PTPN20: variants seen among roughly 807,000 people sequenced by gnomAD.
The protein encoded by PTPN20 is protein tyrosine phosphatase non-receptor type 20.
PTPN20 carries 9 observed loss-of-function variants against 35.0 expected under a neutral mutation model. The observed-to-expected ratio is 0.26, with a 90% CI of 0.15 to 0.45. The LOEUF (loss-of-function observed/expected upper bound fraction) is 0.45, where lower values mean the gene tolerates loss of function less well. PTPN20 is among the 20% of genes least tolerant of loss of function. PTPN20 has a pLI of 1.00. For synonymous variants in PTPN20, 32 were observed against 100.2 expected (o/e 0.32, Z 4.06); for missense variants, 111 against 312.5 (o/e 0.36, Z 4.86).
intron 5 of PTPN20, among the ~76,000 whole-genome samples, chr10:46,953,865 T>C (rs1390221221): frequency 7.0e-6 from 1 of 142,832 alleles, no homozygotes; most frequent in Non-Finnish European, 1.5e-5. Context: ...TATTCATCTG[T>C]AATTTTCTTT....
chr10:46,988,800 T>G (rs1270694815), intron 9 of PTPN20, among the ~76,000 whole-genome samples: 2 of 152,276 alleles, frequency 1.3e-5, no homozygotes, highest in Non-Finnish European at 2.9e-5. Flanking sequence ...TTTTATAGTT[T>G]TCCTCATAGA....
intron 5 of PTPN20, among the ~76,000 whole-genome samples, chr10:46,947,212 GTATATATATA>G (rs1163672605): frequency 1.5e-5 from 2 of 129,850 alleles, no homozygotes; most frequent in Admixed American, 1.6e-4. Flanking sequence ...ATGTGTATGT[GTATATATATA>G]TATATATATA....
At chr10:46,998,733 A>G (rs920127614) in intron 9 of PTPN20, among the ~76,000 whole-genome samples, 3 of 152,212 alleles carry the variant, frequency 2.0e-5, no homozygotes, top group Admixed American at 1.3e-4. Context: ...TTTTGATATT[A>G]TATCTTGTTA....
intron 9 of PTPN20, among the ~76,000 whole-genome samples, chr10:46,992,184 G>A (rs890070313): frequency 2.7e-5 from 4 of 149,122 alleles, no homozygotes; most frequent in Admixed American, 1.3e-4. Flanking sequence ...GTGCAGTGGC[G>A]TGATCTCAGC....
At chr10:46,931,596 C>T (rs1466336620) in intron 1 of PTPN20, among the ~76,000 whole-genome samples, 1 of 143,448 alleles carries the variant, frequency 7.0e-6, no homozygotes, top group Non-Finnish European at 1.5e-5. Context: ...CCAATTGCCC[C>T]AGCTGGTCTC....
Position 46,940,576 on chromosome 10 carries a change from G to A in PTPN20, c.35-47G>A. 4 of 1,531,256 alleles carry A rather than the reference G, an allele frequency of 2.6e-6. No homozygotes were observed. In the South Asian group the frequency reaches 3.4e-5, roughly 13 times the overall value. 94.9% of individuals were successfully genotyped at this position (1,531,256 alleles called of 1,614,324 possible). A position where few individuals can be genotyped will look rare whatever the true frequency, so the allele number is the denominator to read the frequency against. ...TCATTAAGGCTCCATTTTTCCTTCT[G>A]TATAGTGTTTTCTATTTGATCAGTT... On this transcript the variant is annotated intron_variant, in intron 2 of 10. Coordinates refer to ENST00000374339, the MANE Select transcript of PTPN20 (RefSeq NM_001042357.5).
At chr10:46,974,020 TG>T (rs2052766319) in intron 7 of PTPN20, among the ~76,000 whole-genome samples, 1 of 145,318 alleles carries the variant, frequency 6.9e-6, no homozygotes, top group Non-Finnish European at 1.5e-5. Context: ...AAGATTGCCT[TG>T]GTAGGGGCTC....
intron 1 of PTPN20, among the ~76,000 whole-genome samples, chr10:46,925,807 C>A (rs1258319405): frequency 6.6e-6 from 1 of 151,594 alleles, no homozygotes; most frequent in Non-Finnish European, 1.5e-5. Context: ...AAATTTTGTA[C>A]CTGCAAAAGA....
intron 1 of PTPN20, among the ~76,000 whole-genome samples, chr10:46,928,318 G>A (rs1202039778): frequency 6.6e-6 from 1 of 151,884 alleles, no homozygotes; most frequent in African/African-American, 2.4e-5. Flanking sequence ...TTAATAACTT[G>A]ATATTATCTT....
At chr10:46,923,091 G>C (rs1555110082) in intron 1 of PTPN20, among the ~76,000 whole-genome samples, 2 of 144,346 alleles carry the variant, frequency 1.4e-5, no homozygotes, top group African/African-American at 5.7e-5. Flanking sequence ...CATACAGTAA[G>C]GATATGACTT....
At chr10:46,992,121 A>ATT (rs1180103188) in intron 9 of PTPN20, among the ~76,000 whole-genome samples, 28 of 130,672 alleles carry the variant, frequency 2.1e-4, no homozygotes, top group African/African-American at 2.8e-4. Flanking sequence ...TTCATTTTCA[A>ATT]TTTTTTTTTT....
In PTPN20 at chr10:46,997,797, G is replaced by A. The variant is rs1273153586; in HGVS notation, c.1135-2115G>A. Among the ~76,000 whole-genome samples, 4 of 152,196 alleles carry A rather than the reference G, an allele frequency of 2.6e-5. No individual in the cohort carries two copies. The East Asian group carries it at 5.8e-4, about 22-fold the overall frequency. On this transcript the variant is annotated intron_variant, in intron 9 of 10. Coordinates refer to ENST00000374339, the MANE Select transcript of PTPN20 (RefSeq NM_001042357.5). Reference sequence around the variant, plus strand: ...AAGAGAACATACAGATGACAAGCACGTGAAAAGATGCTCAGCTTCATTAGC... The same window carrying A: ...AAGAGAACATACAGATGACAAGCACATGAAAAGATGCTCAGCTTCATTAGC...
At chr10:46,928,409 G>A (rs1180732599) in intron 1 of PTPN20, among the ~76,000 whole-genome samples, 2 of 151,262 alleles carry the variant, frequency 1.3e-5, no homozygotes, top group Non-Finnish European at 3.0e-5. Flanking sequence ...TTATTGAGGT[G>A]TAATTATGTA....
chr10:46,953,895 G>A (rs1250992693), intron 5 of PTPN20, among the ~76,000 whole-genome samples: 2 of 134,612 alleles, frequency 1.5e-5, no homozygotes, highest in East Asian at 2.2e-4. Flanking sequence ...ATCTTTTTCC[G>A]GTTTTAGTAT....
At chr10:46,981,204 T>C (rs2136473766) in intron 7 of PTPN20, 1 of 143,604 alleles carries the variant, frequency 7.0e-6, no homozygotes, top group East Asian at 2.3e-4. Context: ...TCACCAAAGG[T>C]TGATCTCAGC....
intron 4 of PTPN20, among the ~76,000 whole-genome samples, chr10:46,945,750 G>C (rs1424301308): frequency 6.6e-6 from 1 of 150,758 alleles, no homozygotes; most frequent in Non-Finnish European, 1.5e-5. Flanking sequence ...GTTGAGTATG[G>C]AGACGTTGCA....
chr10:46,975,165 TGTG>T (rs1303374946), intron 7 of PTPN20, among the ~76,000 whole-genome samples: 3 of 27,430 alleles, frequency 1.1e-4, no homozygotes, highest in Non-Finnish European at 2.2e-4. Flanking sequence ...TTATCTTTAT[TGTG>T]GTGGTGGTCT....
intron 7 of PTPN20, among the ~76,000 whole-genome samples, chr10:46,970,947 T>TTTTG (rs2051993735): frequency 1.2e-5 from 1 of 83,374 alleles, no homozygotes; most frequent in African/African-American, 8.4e-5. Flanking sequence ...AGTTTTTTTT[T>TTTTG]TTTTTTTTAA....
At chr10:46,976,729 CTTTT>C (rs1224114409) in intron 7 of PTPN20, among the ~76,000 whole-genome samples, 1 of 125,204 alleles carries the variant, frequency 8.0e-6, no homozygotes, top group East Asian at 2.1e-4. Flanking sequence ...CTACTCTTGT[CTTTT>C]TTTTTTTTTT....
Sources: gnomAD v4.1 joint callset for allele counts (sites outside exome capture counted in the v4.1 genomes callset) on GRCh38, gnomAD v4.1.1 for gene constraint, MANE v1.5 for transcripts, NCBI Gene and HGNC (gene_info 2026-07-23, HGNC 2026-07-21) for gene names.